LMBR1: variants seen among roughly 807,000 people sequenced by gnomAD.
The protein encoded by LMBR1 is limb region 1 protein homolog.
In LMBR1, 52 loss-of-function variants were observed where a neutral mutation model predicts 73.9. The observed-to-expected ratio is 0.70, with a 90% CI of 0.56 to 0.89. LMBR1 has a LOEUF of 0.89. Among genes scored for constraint, LMBR1 ranks in the 40% least tolerant of loss-of-function variants. LMBR1 has a pLI of 0.00. For synonymous variants in LMBR1, 215 were observed against 209.4 expected, an observed-to-expected ratio of 1.03 and a Z score of -0.23; for missense variants, 539 against 579.8, an observed-to-expected ratio of 0.93 and a Z score of 0.72.
At chr7:156,675,946 G>A (rs1027799108), downstream of LMBR1, 16 of 1,395,374 alleles carry the variant, frequency 1.1e-5, no homozygotes, top group East Asian at 2.3e-5. Context: ...GGGGGAGGTC[G>A]AGGACTCACT....
intron 4 of LMBR1, among the ~76,000 whole-genome samples, chr7:156,819,447 AATGAT>A (rs1586013306): frequency 6.6e-6 from 1 of 152,154 alleles, no homozygotes; most frequent in Non-Finnish European, 1.5e-5. Context: ...AAATATTCCT[AATGAT>A]ATAATTATAA....
chr7:156,693,268 G>C (rs1181960957), intron 15 of LMBR1, among the ~76,000 whole-genome samples: 2 of 151,606 alleles, frequency 1.3e-5, no homozygotes, highest in African/African-American at 4.8e-5. Flanking sequence ...AATCAGAAAA[G>C]AACAAACTAA....
intron 1 of LMBR1, among the ~76,000 whole-genome samples, chr7:156,872,530 C>T (rs1385568824): frequency 6.6e-6 from 1 of 151,824 alleles, no homozygotes; most frequent in African/African-American, 2.4e-5. Context: ...GCCTATAATC[C>T]CAGCTACTTG....
rs993059111 is a variant in LMBR1 at position 156,698,555 on chromosome 7, G to A, written c.1226-10364C>T. Among the ~76,000 whole-genome samples, 10 of 152,156 alleles carry A rather than the reference G, an allele frequency of 6.6e-5. No homozygotes were observed. The South Asian group carries it at 1.2e-3, about 19-fold the overall frequency. Reference sequence around the variant, plus strand: ...AATTCTTGACTTCCGTGCACCACACGCTCAACACCACATAGAAGCTGCCAA... The same window carrying A: ...AATTCTTGACTTCCGTGCACCACACACTCAACACCACATAGAAGCTGCCAA... On this transcript the variant is annotated intron_variant, in intron 15 of 16. Coordinates refer to ENST00000353442, the MANE Select transcript of LMBR1 (RefSeq NM_022458.4).
At chr7:156,759,382 T>C (rs998665572) in intron 8 of LMBR1, among the ~76,000 whole-genome samples, 2 of 152,228 alleles carry the variant, frequency 1.3e-5, no homozygotes, top group Non-Finnish European at 2.9e-5. Context: ...GCAGACCAGC[T>C]TCTGGTATGA....
intron 3 of LMBR1, 141 bp downstream of exon 3, chr7:156,833,612 C>T (rs1343618073): frequency 1.3e-5 from 8 of 620,926 alleles, no homozygotes; most frequent in Admixed American, 3.7e-5. Context: ...CTTACATGTG[C>T]TTTCTAAAAT....
At chr7:156,772,103 G>A (rs576326678) in intron 5 of LMBR1, among the ~76,000 whole-genome samples, 76 of 152,072 alleles carry the variant, frequency 5.0e-4, no homozygotes, top group African/African-American at 1.7e-3. Flanking sequence ...GTGAAACCCC[G>A]TCTCTACTAA....
chr7:156,764,492 T>A (rs1455627078), intron 5 of LMBR1, among the ~76,000 whole-genome samples: 1 of 152,050 alleles, frequency 6.6e-6, no homozygotes, highest in Non-Finnish European at 1.5e-5. Context: ...AACTGCAGGA[T>A]AAGACAAAAA....
In LMBR1 at chr7:156,728,658, G is replaced by T. The variant is rs201891297; in HGVS notation, c.901C>A (p.Leu301Ile). 1.3e-6 allele frequency: 2 copies of T among 1,596,928 alleles called. No individual in the cohort carries two copies. The highest frequency in any genetic ancestry group is 2.3e-5 in the East Asian group (1 of 44,424). Residue 301 changes from leucine (L) to isoleucine (I), a missense_variant, in exon 11 of 17, where the codon CTT (leucine) becomes ATT (isoleucine). Around this residue, in one of 3 missense-constraint regions of LMBR1, gnomAD observed 454 missense variants for 473.4 expected, o/e 0.96. Coordinates refer to ENST00000353442, the MANE Select transcript of LMBR1 (RefSeq NM_022458.4). ...TAAATTCTTACTGTCTCAATAAGAAGGAGAACCATAACAGCGGGATACACC... is the reference window on the plus strand; with the variant it reads ...TAAATTCTTACTGTCTCAATAAGAATGAGAACCATAACAGCGGGATACACC... The part of the protein sequence containing the change: ...NLVYPAVMVL[L>I]LIETSISVLL...
At chr7:156,849,230 G>A (rs57744781) in intron 1 of LMBR1, among the ~76,000 whole-genome samples, 13,904 of 152,178 alleles carry the variant, frequency 0.091, 802 homozygotes, top group African/African-American at 0.16. Flanking sequence ...GCTGGAGCTA[G>A]AGACCATTAT....
intron 4 of LMBR1, among the ~76,000 whole-genome samples, chr7:156,810,173 G>T (rs918825754): frequency 1.3e-5 from 2 of 152,132 alleles, no homozygotes; most frequent in African/African-American, 4.8e-5. Context: ...GCTTCCATTC[G>T]TGGCGAAAGG....
chr7:156,739,238 G>A (rs1411805583), intron 9 of LMBR1, among the ~76,000 whole-genome samples: 4 of 152,116 alleles, frequency 2.6e-5, no homozygotes, highest in African/African-American at 9.7e-5. Context: ...GAATAGGAAG[G>A]TCTTTGTCTT....
chr7:156,675,125 A>AGGCAGCGGCGACCCGAAGG (rs553830648), downstream of LMBR1, among the ~76,000 whole-genome samples: 1 of 152,196 alleles, frequency 6.6e-6, no homozygotes, highest in Non-Finnish European at 1.5e-5. Context: ...AGACCCGAAG[A>AGGCAGCGGCGACCCGAAGG]GGCAGCGGCG....
At chr7:156,783,080 C>G (rs751153017) in intron 5 of LMBR1, among the ~76,000 whole-genome samples, 3 of 152,164 alleles carry the variant, frequency 2.0e-5, no homozygotes, top group Non-Finnish European at 4.4e-5. Flanking sequence ...TTGTCACATT[C>G]TATAAGAAAA....
At chr7:156,891,951 C>A (rs2134662548) in intron 1 of LMBR1, among the ~76,000 whole-genome samples, 1 of 152,240 alleles carries the variant, frequency 6.6e-6, no homozygotes, top group South Asian at 2.1e-4. Context: ...TCACCTCAAA[C>A]CAAGTGTGAC....
chr7:156,855,036 C>T (rs78028654), intron 1 of LMBR1, among the ~76,000 whole-genome samples: 4,440 of 152,238 alleles, frequency 0.029, 102 homozygotes, highest in South Asian at 0.085. Flanking sequence ...CCACAAAATA[C>T]GAAGCATGCT....
chr7:156,755,324 A>C (rs941989348), intron 9 of LMBR1, among the ~76,000 whole-genome samples: 1 of 152,234 alleles, frequency 6.6e-6, no homozygotes, highest in Non-Finnish European at 1.5e-5. Context: ...GGAAGGGGAA[A>C]GTGAGAAAGG....
intron 8 of LMBR1, among the ~76,000 whole-genome samples, chr7:156,757,111 C>T (rs373046876): frequency 1.2e-4 from 18 of 152,120 alleles, no homozygotes; most frequent in South Asian, 1.0e-3. Flanking sequence ...CCACCACACC[C>T]GCCCAGCCTA....
intron 4 of LMBR1, among the ~76,000 whole-genome samples, chr7:156,816,763 C>T (rs1299098876): frequency 1.3e-5 from 2 of 152,036 alleles, no homozygotes; most frequent in Non-Finnish European, 1.5e-5. Context: ...ACATTCTTGG[C>T]AATTTTGCAA....
Sources: allele counts gnomAD v4.1 joint callset (sites outside exome capture counted in the v4.1 genomes callset), GRCh38; gene constraint gnomAD v4.1.1; regional missense constraint gnomAD v4.1.1; transcripts MANE v1.5; gene names NCBI Gene and HGNC (gene_info 2026-07-23, HGNC 2026-07-21).